NXN: variants seen among roughly 807,000 people sequenced by gnomAD.
NXN encodes the protein nucleoredoxin, also known as nucleoredoxin 1.
NXN carries 16 observed loss-of-function variants against 48.6 expected under a neutral mutation model. The ratio of observed to expected loss-of-function variants is 0.33; its 90% CI spans 0.22 to 0.50. The LOEUF is 0.50. NXN is among the 20% of genes least tolerant of loss of function. The pLI is 0.98. For missense variants in NXN, 492 were observed against 605.5 expected (o/e 0.81, Z 1.97); for synonymous variants, 281 against 269.6 (o/e 1.04, Z -0.41).
chr17:962,264 G>A (rs573333962), intron 1 of NXN, among the ~76,000 whole-genome samples: 2 of 152,294 alleles, frequency 1.3e-5, no homozygotes, highest in African/African-American at 2.4e-5. Flanking sequence ...AGACACTGCA[G>A]GTGAATTTTC....
intron 5 of NXN, among the ~76,000 whole-genome samples, chr17:809,920 AGAGTCCGTGTGAGTGGCGTGTACGTTAC>A (rs1911825735): frequency 8.5e-6 from 1 of 117,318 alleles, no homozygotes; most frequent in African/African-American, 3.1e-5. Flanking sequence ...GTGCACGTTA[AGAGTCCGTGTGAGTGGCGTGTACGTTAC>A]GAGTCTGTGT....
chr17:830,944 G>C lies in NXN; in HGVS notation c.361-4866C>G. ...GAACCCGGGAGGCGGAGGTTGCTGT[G>C]AGCCGAGACTGAGCTATTGCACTCC... On this transcript the variant is annotated intron_variant, in intron 1 of 7. Coordinates refer to ENST00000336868, the MANE Select transcript of NXN (RefSeq NM_022463.5). The surrounding 1 kb of genome is among the most constrained non-coding windows in gnomAD (Gnocchi z 4.2). Among the ~76,000 whole-genome samples, 1 of 150,460 alleles carries C rather than the reference G, an allele frequency of 6.6e-6. No homozygotes were observed. The highest frequency in any genetic ancestry group is 1.9e-4 in the East Asian group (1 of 5,138).
intron 5 of NXN, among the ~76,000 whole-genome samples, chr17:812,791 G>A (rs968139041): frequency 6.8e-6 from 1 of 147,406 alleles, no homozygotes. Context: ...CATGTGTGTA[G>A]GTGTGTGTGC....
In NXN at chr17:956,745, A is replaced by G. The variant is rs915954142; in HGVS notation, c.360+22574T>C. ...CTTTTTATATCAGTCATCGTCTTAA[A>G]CCTCCACCGCAACCTGACAAGGTGG... On this transcript the variant is annotated intron_variant, in intron 1 of 7. Transcript: ENST00000336868. This position sits in a 1 kb window ranked among gnomAD's most constrained non-coding sequence, Gnocchi z 4.1. Among the ~76,000 whole-genome samples, 7 of 152,054 alleles carry G rather than the reference A, an allele frequency of 4.6e-5. No individual in the cohort carries two copies. Among genetic ancestry groups the G allele is most frequent in the African/African-American group, 1.7e-4 (7 of 41,462 alleles).
At chr17:860,117 T>TTTATTA (rs140407900) in intron 1 of NXN, among the ~76,000 whole-genome samples, 36 of 151,334 alleles carry the variant, frequency 2.4e-4, no homozygotes, top group African/African-American at 7.8e-4. Context: ...CTTTAAAAAA[T>TTTATTA]TTATTATTAT....
intron 1 of NXN, among the ~76,000 whole-genome samples, chr17:861,205 C>T (rs942748201): frequency 6.6e-6 from 1 of 152,198 alleles, no homozygotes; most frequent in Non-Finnish European, 1.5e-5. Flanking sequence ...ACCATCTCGG[C>T]TCACTGCAAC....
chr17:927,666 G>A (rs762279719), intron 1 of NXN, among the ~76,000 whole-genome samples: 3 of 150,540 alleles, frequency 2.0e-5, no homozygotes, highest in Admixed American at 6.6e-5. Context: ...GATGGCCCAC[G>A]TAACCAGTCA....
At position 830,597 on chromosome 17, in the gene NXN, G is replaced by A. The variant is rs1396295238; in HGVS notation, c.361-4519C>T. Among the ~76,000 whole-genome samples, 1 of 152,178 alleles carries A rather than the reference G, an allele frequency of 6.6e-6. No homozygotes were observed. Among genetic ancestry groups the A allele is most frequent in the African/African-American group, 2.4e-5 (1 of 41,440 alleles). ...TGAGAGAACCAGGGGCGGCGGCTGT[G>A]ATGAGGTCAGAGATCATCATAAGAT... is the stretch of plus-strand genomic sequence containing the variant. On this transcript the variant is annotated intron_variant, in intron 1 of 7. Coordinates refer to ENST00000336868, the MANE Select transcript of NXN (RefSeq NM_022463.5). The surrounding 1 kb of genome is among the most constrained non-coding windows in gnomAD (Gnocchi z 4.2).
At chr17:897,050 C>T in intron 1 of NXN, 8 of 1,076,424 alleles carry the variant, frequency 7.4e-6, no homozygotes, top group Non-Finnish European at 9.1e-6. Context: ...GCGTCACTGT[C>T]ACACACGCGT....
rs565457343 is a variant in NXN, at chr17:922,800, C to T, written c.360+56519G>A. Among the ~76,000 whole-genome samples the T allele has an allele frequency of 2.0e-3, 300 of 149,990 alleles. 2 individuals are homozygous for T. Among genetic ancestry groups the T allele is most frequent in the African/African-American group, 6.4e-3 (266 of 41,458 alleles). On this transcript the variant is annotated intron_variant, in intron 1 of 7. Coordinates refer to ENST00000336868, the MANE Select transcript of NXN (RefSeq NM_022463.5). ...CCGAGTAGCTGGGACTACAGGTGCC[C>T]GCCACCACACCCGGCTAACTTTTTG...
At chr17:803,845 A>T in intron 6 of NXN, 39 bp from the exon 7 acceptor site, 1 of 1,612,210 alleles carries the variant, frequency 6.2e-7, no homozygotes, top group South Asian at 1.1e-5. Flanking sequence ...CGGGGAGAAA[A>T]AGCACTGGCT....
intron 1 of NXN, among the ~76,000 whole-genome samples, chr17:959,813 CTGGGTG>C (rs2069215757): frequency 7.1e-6 from 1 of 141,494 alleles, no homozygotes; most frequent in African/African-American, 2.6e-5. Context: ...AAAAACAGGG[CTGGGTG>C]TGGTGGCTCA....
rs138498939 is a variant in NXN, at chr17:852,613, C to T, written c.361-26535G>A. 7.2e-5 allele frequency among the ~76,000 whole-genome samples: 11 copies of T among 152,218 alleles called. No homozygotes were observed. The East Asian group carries it at 9.6e-4, about 13-fold the overall frequency. ...GATTTGGATACGGGGCTCCTGGAAG[C>T]GGATATGGAGCAGAAAGTAGGGCTG... On this transcript the variant is annotated intron_variant, in intron 1 of 7. Coordinates refer to ENST00000336868, the MANE Select transcript of NXN (RefSeq NM_022463.5).
At chr17:894,857 T>G (rs1158085152) in intron 1 of NXN, among the ~76,000 whole-genome samples, 1 of 152,138 alleles carries the variant, frequency 6.6e-6, no homozygotes, top group Non-Finnish European at 1.5e-5. Context: ...GCCTCAACTT[T>G]AAATCCACTT....
At chr17:851,042 A>G (rs2067918173) in intron 1 of NXN, among the ~76,000 whole-genome samples, 1 of 152,262 alleles carries the variant, frequency 6.6e-6, no homozygotes, top group South Asian at 2.1e-4. Context: ...GAAACCACAC[A>G]CAAACAGCTT....
At chr17:905,629 T>TA (rs2144908621) in intron 1 of NXN, among the ~76,000 whole-genome samples, 1 of 152,292 alleles carries the variant, frequency 6.6e-6, no homozygotes, top group East Asian at 1.9e-4. Context: ...TGCCGTTCAA[T>TA]AGAAATATAA....
In NXN at chr17:932,322, C is replaced by T. The variant is rs552913881; in HGVS notation, c.360+46997G>A. Among the ~76,000 whole-genome samples the T allele has an allele frequency of 5.3e-5, 8 of 152,254 alleles. No homozygotes were observed. The East Asian group carries it at 1.5e-3, about 29-fold the overall frequency. ...CTCTGGTCCCTGGACGTACGGCTTC[C>T]GGGTTGCCTGGGAACTGTTGCTAGA... On this transcript the variant is annotated intron_variant, in intron 1 of 7. Transcript: ENST00000336868. This position sits in a 1 kb window ranked among gnomAD's most constrained non-coding sequence, Gnocchi z 4.1.
chr17:948,047 A>AAAAAC (rs750838659), intron 1 of NXN, among the ~76,000 whole-genome samples: 3 of 151,984 alleles, frequency 2.0e-5, no homozygotes, highest in African/African-American at 4.8e-5. Flanking sequence ...ACTCTCTCTC[A>AAAAAC]AAAACAAAAC....
At chr17:813,762 T>A (rs1422944435) in intron 5 of NXN, among the ~76,000 whole-genome samples, 1 of 133,994 alleles carries the variant, frequency 7.5e-6, no homozygotes, top group South Asian at 2.3e-4. Flanking sequence ...AGGTCAGGAG[T>A]TTGAGACCAG....
Sources: allele counts gnomAD v4.1 joint callset (sites outside exome capture counted in the v4.1 genomes callset), GRCh38; gene constraint gnomAD v4.1.1; non-coding constraint Gnocchi (gnomAD v3.1); transcripts MANE v1.5; gene names NCBI Gene and HGNC (gene_info 2026-07-23, HGNC 2026-07-21).